The following COL26A1 variants were observed in gnomAD, a reference collection of about 807,000 sequenced individuals.
COL26A1 encodes collagen type XXVI alpha 1 chain.
COL26A1 carries 41 observed loss-of-function variants against 59.3 expected under a neutral mutation model. That is an observed-to-expected ratio of 0.69 (90% CI 0.54 to 0.90). The LOEUF (loss-of-function observed/expected upper bound fraction) is 0.90, where lower values mean the gene tolerates loss of function less well. Ranked by LOEUF, COL26A1 falls within the 40% of genes least tolerant of loss-of-function variation. The pLI is 0.00. For missense variants in COL26A1, 612 were observed against 602.3 expected (o/e 1.02, Z -0.17); for synonymous variants, 266 against 256.0 (o/e 1.04, Z -0.37).
At chr7:101,523,919 A>G (rs141628373) in intron 3 of COL26A1, among the ~76,000 whole-genome samples, 14 of 152,194 alleles carry the variant, frequency 9.2e-5, no homozygotes, top group Non-Finnish European at 2.1e-4. Flanking sequence ...CTGGGATTGC[A>G]TTGACTCTAT....
At chr7:101,485,172 G>A (rs1584450278) in intron 3 of COL26A1, among the ~76,000 whole-genome samples, 1 of 152,092 alleles carries the variant, frequency 6.6e-6, no homozygotes, top group Non-Finnish European at 1.5e-5. Context: ...TATTTCTACC[G>A]GGGGAGAGAA....
At chr7:101,543,945 C>T in intron 5 of COL26A1, 53 bp from the exon 6 acceptor site, 1 of 1,361,858 alleles carries the variant, frequency 7.3e-7, no homozygotes, top group Non-Finnish European at 1.0e-6. Context: ...CCTGGAGCCA[C>T]TGGAGGCTGG....
At chr7:101,374,706 A>G (rs1054982358) in intron 1 of COL26A1, among the ~76,000 whole-genome samples, 3 of 152,196 alleles carry the variant, frequency 2.0e-5, no homozygotes, top group Admixed American at 6.5e-5. Flanking sequence ...TTGATTCTAC[A>G]TGATGGTGAG....
chr7:101,369,186 C>G (rs13228295), intron 1 of COL26A1, among the ~76,000 whole-genome samples: 1 of 151,684 alleles, frequency 6.6e-6, no homozygotes, highest in Non-Finnish European at 1.5e-5. Flanking sequence ...GTGGGTGGAT[C>G]GCTTGAGGTC....
intron 7 of COL26A1, 79 bp from the exon 8 acceptor site, chr7:101,547,077 G>A: frequency 9.8e-7 from 1 of 1,022,340 alleles, no homozygotes; most frequent in Non-Finnish European, 1.4e-6. Context: ...CCTGGCTCAG[G>A]GCTCAGTGCC....
intron 1 of COL26A1, among the ~76,000 whole-genome samples, chr7:101,391,998 A>C (rs1292504521): frequency 6.6e-6 from 1 of 152,064 alleles, no homozygotes; most frequent in African/African-American, 2.4e-5. Context: ...GATTACAGGC[A>C]TGAGCCACAG....
intron 3 of COL26A1, among the ~76,000 whole-genome samples, chr7:101,464,642 C>A (rs904666424): frequency 6.6e-6 from 1 of 152,096 alleles, no homozygotes; most frequent in African/African-American, 2.4e-5. Flanking sequence ...AACTCCTGAC[C>A]TCAGGTGATC....
chr7:101,470,508 T>G (rs531628955), intron 3 of COL26A1, among the ~76,000 whole-genome samples: 6 of 152,056 alleles, frequency 3.9e-5, no homozygotes, highest in African/African-American at 1.4e-4. Flanking sequence ...AGAAAAGAAA[T>G]GATTTGGGGG....
intron 3 of COL26A1, among the ~76,000 whole-genome samples, chr7:101,510,772 G>T (rs1794904220): frequency 6.6e-6 from 1 of 152,134 alleles, no homozygotes; most frequent in Non-Finnish European, 1.5e-5. Context: ...CTCCTGCTTT[G>T]GCCTCCCAGA....
intron 3 of COL26A1, among the ~76,000 whole-genome samples, chr7:101,523,852 C>T (rs1464249121): frequency 1.3e-5 from 2 of 151,922 alleles, no homozygotes; most frequent in Non-Finnish European, 2.9e-5. Context: ...TTTTCATATA[C>T]ATTTTGGAAT....
At chr7:101,524,555 A>G (rs35768570) in intron 3 of COL26A1, among the ~76,000 whole-genome samples, 17,790 of 152,152 alleles carry the variant, frequency 0.12, 1,083 homozygotes, top group Middle Eastern at 0.16. Context: ...GGGAGAATTA[A>G]CATCTTTATA....
chr7:101,401,399 GGAA>G lies in COL26A1; in HGVS notation c.159-18569_159-18567del, dbSNP rs1387617193. On this transcript the variant is annotated intron_variant, in intron 1 of 12. Transcript: ENST00000313669. ...AGCTCTAATCCTGCCAGGAGGAGGAGGAAGAAGAAGAGGAGCAGGAGGTGGAGG... is the reference window on the plus strand; with the variant it reads ...AGCTCTAATCCTGCCAGGAGGAGGAGGAAGAAGAGGAGCAGGAGGTGGAGG... Among the ~76,000 whole-genome samples, 4 of 151,944 alleles carry G rather than the reference GGAA, an allele frequency of 2.6e-5. No individual in the cohort carries two copies. The South Asian group carries it at 6.2e-4, about 24-fold the overall frequency.
intron 3 of COL26A1, among the ~76,000 whole-genome samples, chr7:101,484,047 G>A (rs984630208): frequency 4.0e-5 from 5 of 125,358 alleles, no homozygotes; most frequent in South Asian, 2.7e-4. Flanking sequence ...ACAAGGTCTC[G>A]CTGTGTTGCC....
intron 11 of COL26A1, among the ~76,000 whole-genome samples, chr7:101,553,918 G>A (rs906943832): frequency 3.7e-4 from 57 of 152,184 alleles, no homozygotes; most frequent in African/African-American, 1.3e-3. Flanking sequence ...GCCAGGGCAC[G>A]GGCTTGGCTG....
intron 9 of COL26A1, 73 bp downstream of exon 9, chr7:101,549,296 A>G (rs1412549703): frequency 7.1e-6 from 7 of 981,626 alleles, no homozygotes; most frequent in Non-Finnish European, 1.1e-5. Flanking sequence ...CCTAGGGGAG[A>G]AGAAGCACCT....
At chr7:101,440,086 C>G (rs985180450) in intron 2 of COL26A1, among the ~76,000 whole-genome samples, 1 of 152,180 alleles carries the variant, frequency 6.6e-6, no homozygotes, top group Admixed American at 6.6e-5. Flanking sequence ...TTTGCCTAGG[C>G]CAGGGGCAGT....
At chr7:101,462,247 C>A (rs1212957188) in intron 3 of COL26A1, among the ~76,000 whole-genome samples, 1 of 152,088 alleles carries the variant, frequency 6.6e-6, no homozygotes, top group Non-Finnish European at 1.5e-5. Context: ...ATCCACCCGC[C>A]TTGGCCTCCC....
chr7:101,370,591 C>T (rs146564893), intron 1 of COL26A1, among the ~76,000 whole-genome samples: 3 of 152,208 alleles, frequency 2.0e-5, no homozygotes, highest in South Asian at 2.1e-4. Flanking sequence ...AGGCTGGTCT[C>T]GAACTCCTGA....
chr7:101,552,656 C>G (rs1415547472), intron 10 of COL26A1, among the ~76,000 whole-genome samples: 1 of 152,104 alleles, frequency 6.6e-6, no homozygotes, highest in Non-Finnish European at 1.5e-5. Context: ...CCTGTAATCC[C>G]AGCACTTTGG....
Sources: allele counts gnomAD v4.1 joint callset (sites outside exome capture counted in the v4.1 genomes callset), GRCh38; gene constraint gnomAD v4.1.1; transcripts MANE v1.5; gene names NCBI Gene and HGNC (gene_info 2026-07-23, HGNC 2026-07-21).